The following NPAS3 variants were observed in gnomAD, a reference collection of about 807,000 sequenced individuals.
NPAS3 encodes neuronal PAS domain protein 3, also known as neuronal PAS domain-containing protein 3.
Under a neutral mutation model 73.1 loss-of-function variants are expected in NPAS3, and 14 were observed. The ratio of observed to expected loss-of-function variants is 0.19; its 90% confidence interval spans 0.13 to 0.30. The LOEUF (loss-of-function observed/expected upper bound fraction) is 0.30. NPAS3 is among the 10% of genes least tolerant of loss of function. NPAS3 has a pLI of 1.00. For synonymous variants in NPAS3, 620 were observed against 541.5 expected, an observed-to-expected ratio of 1.14 and a Z score of -2.01; for missense variants, 1,096 against 1,250.0, an observed-to-expected ratio of 0.88 and a Z score of 1.86.
chr14:32,981,566 T>G (rs1291755219), intron 1 of NPAS3, among the ~76,000 whole-genome samples: 1 of 152,234 alleles, frequency 6.6e-6, no homozygotes, highest in Non-Finnish European at 1.5e-5. Context: ...CAGACTTTAT[T>G]TTTATTCTTA....
At chr14:33,388,287 C>T (rs2138561739) in intron 4 of NPAS3, among the ~76,000 whole-genome samples, 1 of 151,884 alleles carries the variant, frequency 6.6e-6, no homozygotes, top group South Asian at 2.1e-4. Context: ...AAAACATCCC[C>T]TGCCTTCAAG....
intron 2 of NPAS3, among the ~76,000 whole-genome samples, chr14:33,076,713 G>A (rs1378300951): frequency 6.6e-6 from 1 of 152,148 alleles, no homozygotes; most frequent in Non-Finnish European, 1.5e-5. Flanking sequence ...GAGCTGAAAG[G>A]CATAACTGAG....
At chr14:33,151,474 T>G (rs2044442492) in intron 2 of NPAS3, among the ~76,000 whole-genome samples, 1 of 152,168 alleles carries the variant, frequency 6.6e-6, no homozygotes, top group Non-Finnish European at 1.5e-5. Context: ...TAAAAGAGGG[T>G]GATGAGAATG....
At chr14:33,385,486 A>T (rs1449887900) in intron 4 of NPAS3, among the ~76,000 whole-genome samples, 2 of 152,230 alleles carry the variant, frequency 1.3e-5, no homozygotes, top group Non-Finnish European at 2.9e-5. Flanking sequence ...TTAGAGAAAC[A>T]GCACCAGTAG....
intron 9 of NPAS3, among the ~76,000 whole-genome samples, chr14:33,786,524 C>T (rs2063179238): frequency 6.6e-6 from 1 of 152,198 alleles, no homozygotes; most frequent in South Asian, 2.1e-4. Flanking sequence ...ATGCCCTAAT[C>T]AGATTAACTG....
downstream of NPAS3, chr14:33,801,858 G>A (rs2063722302): frequency 1.3e-5 from 2 of 151,276 alleles, no homozygotes; most frequent in African/African-American, 2.4e-5. Flanking sequence ...GCTGGGTTTT[G>A]GGGGAAAAAA....
chr14:33,440,751 G>C (rs989874836), intron 4 of NPAS3, among the ~76,000 whole-genome samples: 1 of 152,066 alleles, frequency 6.6e-6, no homozygotes, highest in African/African-American at 2.4e-5. Flanking sequence ...AAATTATCTG[G>C]GTGTGGTGGA....
At chr14:33,199,392 T>C (rs939388925) in intron 2 of NPAS3, among the ~76,000 whole-genome samples, 3 of 152,196 alleles carry the variant, frequency 2.0e-5, no homozygotes, top group East Asian at 3.9e-4. Flanking sequence ...AAAAATTTCC[T>C]CCTGTCCCTA....
intron 2 of NPAS3, among the ~76,000 whole-genome samples, chr14:33,151,048 A>C (rs1321882312): frequency 6.6e-6 from 1 of 152,182 alleles, no homozygotes; most frequent in Non-Finnish European, 1.5e-5. Flanking sequence ...TATGTTCTTT[A>C]TTTGTTTTCA....
At chr14:33,074,364 A>T (rs1036494472) in intron 2 of NPAS3, among the ~76,000 whole-genome samples, 41 of 152,310 alleles carry the variant, frequency 2.7e-4, no homozygotes, top group African/African-American at 9.4e-4. Context: ...GCATTAAGGT[A>T]CCAATCAGAC....
intron 3 of NPAS3, among the ~76,000 whole-genome samples, chr14:33,366,290 A>G (rs7148520): frequency 0.51 from 76,730 of 151,406 alleles, 19,404 homozygotes; most frequent in South Asian, 0.55. Flanking sequence ...AAAAATAGGC[A>G]GAAGAACAGG....
intron 2 of NPAS3, among the ~76,000 whole-genome samples, chr14:33,146,299 G>A (rs113458247): frequency 0.037 from 5,642 of 152,192 alleles, 133 homozygotes; most frequent in South Asian, 0.059. Context: ...AAGGGTTTGC[G>A]TAACTGTTCT....
intron 4 of NPAS3, among the ~76,000 whole-genome samples, chr14:33,485,158 T>C (rs1177389626): frequency 1.3e-5 from 2 of 152,056 alleles, no homozygotes; most frequent in Non-Finnish European, 2.9e-5. Flanking sequence ...CCTTTCTGAG[T>C]CTGTGATAAG....
At chr14:33,385,716 G>C (rs1277478566) in intron 4 of NPAS3, among the ~76,000 whole-genome samples, 1 of 152,168 alleles carries the variant, frequency 6.6e-6, no homozygotes, top group Non-Finnish European at 1.5e-5. Context: ...AAGAAAAGCT[G>C]ACATCCAGAT....
At chr14:33,687,812 C>T (rs890055933) in intron 6 of NPAS3, among the ~76,000 whole-genome samples, 6 of 152,062 alleles carry the variant, frequency 3.9e-5, no homozygotes, top group African/African-American at 7.2e-5. Context: ...TCCTAGATTC[C>T]GGGATGGGGT....
intron 2 of NPAS3, among the ~76,000 whole-genome samples, chr14:33,145,933 TAAAG>T (rs1209281901): frequency 6.6e-6 from 1 of 151,990 alleles, no homozygotes; most frequent in Non-Finnish European, 1.5e-5. Context: ...AAAAATAACT[TAAAG>T]AAGAATGAAA....
At chr14:33,216,693 G>T (rs1206348201) in intron 3 of NPAS3, among the ~76,000 whole-genome samples, 1 of 152,176 alleles carries the variant, frequency 6.6e-6, no homozygotes, top group East Asian at 1.9e-4. Context: ...AAACAGCGTG[G>T]CTGTGTTCCA....
intron 7 of NPAS3, among the ~76,000 whole-genome samples, chr14:33,766,967 C>T (rs748601692): frequency 2.8e-4 from 43 of 152,170 alleles, no homozygotes; most frequent in Non-Finnish European, 1.3e-4. Flanking sequence ...GTTTTTAGAA[C>T]TAAAATCTGA....
intron 4 of NPAS3, among the ~76,000 whole-genome samples, chr14:33,558,465 G>A (rs1215554087): frequency 6.6e-6 from 1 of 152,042 alleles, no homozygotes; most frequent in African/African-American, 2.4e-5. Context: ...CCACCATGTT[G>A]GCCATGCTGG....
Sources: gnomAD v4.1 joint callset for allele counts (sites outside exome capture counted in the v4.1 genomes callset) on GRCh38, gnomAD v4.1.1 for gene constraint, MANE v1.5 for transcripts, NCBI Gene and HGNC (gene_info 2026-07-23, HGNC 2026-07-21) for gene names.